PTPRT: variants seen among roughly 807,000 people sequenced by gnomAD.
PTPRT encodes the protein protein tyrosine phosphatase receptor type T, also known as receptor-type tyrosine-protein phosphatase T.
PTPRT carries 56 observed loss-of-function variants against 176.8 expected under a neutral mutation model. The observed-to-expected ratio is 0.32, with a 90% confidence interval of 0.26 to 0.40. The LOEUF (loss-of-function observed/expected upper bound fraction) is 0.40, where lower values mean the gene tolerates loss of function less well. Among genes scored for constraint, PTPRT ranks in the 10% least tolerant of loss-of-function variants. The probability of loss-of-function intolerance (pLI) is 1.00; values close to 1 mark genes in which losing one functional copy is unlikely to be tolerated. For missense variants in PTPRT, 1,540 were observed against 1,908.2 expected, an observed-to-expected ratio of 0.81 and a Z score of 3.60; for synonymous variants, 783 against 739.0, an observed-to-expected ratio of 1.06 and a Z score of -0.96.
At chr20:42,771,608 C>T (rs370734953) in intron 4 of PTPRT, 58 bp from the exon 5 acceptor site, 10 of 1,412,662 alleles carry the variant, frequency 7.1e-6, no homozygotes, top group Non-Finnish European at 9.0e-6. Context: ...CACCACTTCC[C>T]TATTGGTGGA....
At chr20:42,635,500 T>A (rs1424176802) in intron 7 of PTPRT, among the ~76,000 whole-genome samples, 2 of 152,148 alleles carry the variant, frequency 1.3e-5, no homozygotes, top group African/African-American at 4.8e-5. Context: ...GGCTTTAACA[T>A]CCATATTTTT....
At chr20:42,898,301 T>C (rs2079339451) in intron 1 of PTPRT, among the ~76,000 whole-genome samples, 1 of 152,184 alleles carries the variant, frequency 6.6e-6, no homozygotes, top group Non-Finnish European at 1.5e-5. Flanking sequence ...CTGGAACTCC[T>C]GGGCTCAAGC....
At chr20:42,645,670 G>A (rs1187973364) in intron 7 of PTPRT, among the ~76,000 whole-genome samples, 2 of 151,884 alleles carry the variant, frequency 1.3e-5, no homozygotes, top group African/African-American at 4.8e-5. Context: ...ATCAGGTCAC[G>A]GAGGTCTCTG....
chr20:42,366,521 T>C (rs1159625407), intron 9 of PTPRT, among the ~76,000 whole-genome samples: 1 of 152,236 alleles, frequency 6.6e-6, no homozygotes, highest in African/African-American at 2.4e-5. Context: ...TTGACCACTC[T>C]GCCCTCTCTG....
intron 9 of PTPRT, among the ~76,000 whole-genome samples, chr20:42,438,917 C>T (rs2059287125): frequency 6.6e-6 from 1 of 152,188 alleles, no homozygotes; most frequent in African/African-American, 2.4e-5. Context: ...TCCTAATATA[C>T]CACAAGTGGA....
At chr20:42,234,726 T>C (rs2056205553) in intron 15 of PTPRT, among the ~76,000 whole-genome samples, 2 of 152,228 alleles carry the variant, frequency 1.3e-5, no homozygotes, top group Non-Finnish European at 2.9e-5. Context: ...ATATGAAACA[T>C]AATGTGCATG....
intron 13 of PTPRT, among the ~76,000 whole-genome samples, chr20:42,251,677 G>T (rs1314651438): frequency 6.8e-6 from 1 of 147,576 alleles, no homozygotes; most frequent in Non-Finnish European, 1.5e-5. Context: ...AGCAGCAGGA[G>T]AAATAGCCTT....
chr20:43,179,873 T>C (rs758885599), intron 1 of PTPRT, among the ~76,000 whole-genome samples: 16 of 152,272 alleles, frequency 1.1e-4, no homozygotes, highest in Non-Finnish European at 2.4e-4. Context: ...TGGTTCCCAA[T>C]GACCCCCACT....
intron 2 of PTPRT, among the ~76,000 whole-genome samples, chr20:42,825,215 T>A (rs1469622562): frequency 6.6e-6 from 1 of 152,028 alleles, no homozygotes; most frequent in Admixed American, 6.6e-5. Context: ...CACATTAAAA[T>A]GCCCACACCA....
chr20:42,050,582 A>G, the PTPRT span, among the ~76,000 whole-genome samples: 1 of 152,140 alleles, frequency 6.6e-6, no homozygotes, highest in African/African-American at 2.4e-5. Context: ...CTGTATCCCT[A>G]ATAGTAAAGA....
chr20:43,043,181 T>G (rs1986697240), intron 1 of PTPRT, among the ~76,000 whole-genome samples: 2 of 152,266 alleles, frequency 1.3e-5, no homozygotes, highest in South Asian at 4.1e-4. Context: ...CAAGTTGAAG[T>G]GCTGATTGCA....
At chr20:42,388,266 T>C (rs529647149) in intron 9 of PTPRT, among the ~76,000 whole-genome samples, 1 of 152,220 alleles carries the variant, frequency 6.6e-6, no homozygotes, top group South Asian at 2.1e-4. Flanking sequence ...AAAACCAAAA[T>C]TGACAAATGG....
At chr20:42,420,742 T>C (rs764230918) in intron 9 of PTPRT, among the ~76,000 whole-genome samples, 23 of 152,180 alleles carry the variant, frequency 1.5e-4, no homozygotes, top group Non-Finnish European at 2.9e-4. Flanking sequence ...TTGTTAGTAG[T>C]TAAGCAATTC....
chr20:42,312,984 G>T (rs543999986), intron 12 of PTPRT, among the ~76,000 whole-genome samples: 83 of 151,986 alleles, frequency 5.5e-4, no homozygotes, highest in Non-Finnish European at 9.9e-4. Flanking sequence ...GATGGTTAAG[G>T]CATTCTAACT....
intron 12 of PTPRT, among the ~76,000 whole-genome samples, chr20:42,302,483 C>A (rs2057484640): frequency 6.6e-6 from 1 of 152,134 alleles, no homozygotes; most frequent in African/African-American, 2.4e-5. Flanking sequence ...TGGAAAATAT[C>A]CACTTACCTT....
At position 42,086,747 on chromosome 20, in the gene PTPRT, A is replaced by ATATATATATATATAT. The variant is rs59722053; in HGVS notation, c.3847-895_3847-894insATATATATATATATA. Among the ~76,000 whole-genome samples the ATATATATATATATAT allele has an allele frequency of 1.0e-3, 60 of 58,736 alleles. 3 individuals are homozygous for ATATATATATATATAT. Among genetic ancestry groups the ATATATATATATATAT allele is most frequent in the African/African-American group, 4.5e-3 (58 of 12,928 alleles). 38.5% of individuals were successfully genotyped at this position (58,736 alleles called of 152,430 possible). A position where few individuals can be genotyped will look rare whatever the true frequency, so the allele number is the denominator to read the frequency against. The stretch of plus-strand genomic sequence containing the variant: ...ATCTCAAAAAAAAAAAAAAAAAAAA[A>ATATATATATATATAT]AAAAAAATATATATATATATGGGTT... On this transcript the variant is annotated intron_variant, in intron 27 of 30. Coordinates refer to ENST00000373187, the MANE Select transcript of PTPRT (RefSeq NM_007050.6).
chr20:42,991,365 G>A (rs984225727), intron 1 of PTPRT, among the ~76,000 whole-genome samples: 1 of 152,014 alleles, frequency 6.6e-6, no homozygotes, highest in Non-Finnish European at 1.5e-5. Context: ...CACCTCTGCT[G>A]TTGTGGGGCA....
At chr20:42,696,860 A>T (rs946487467) in intron 6 of PTPRT, among the ~76,000 whole-genome samples, 3 of 152,156 alleles carry the variant, frequency 2.0e-5, no homozygotes, top group Non-Finnish European at 2.9e-5. Flanking sequence ...GCCCCAGTAG[A>T]CACCCTGCTT....
chr20:42,652,485 G>T (rs191483158), intron 7 of PTPRT, among the ~76,000 whole-genome samples: 1 of 152,132 alleles, frequency 6.6e-6, no homozygotes, highest in African/African-American at 2.4e-5. Context: ...GATTGCTGTG[G>T]CTCTCTGGAT....
Sources: allele counts gnomAD v4.1 joint callset (sites outside exome capture counted in the v4.1 genomes callset), GRCh38; gene constraint gnomAD v4.1.1; transcripts MANE v1.5; gene names NCBI Gene and HGNC (gene_info 2026-07-23, HGNC 2026-07-21).